The following GPHN variants were observed in gnomAD, a reference collection of about 807,000 sequenced individuals.
GPHN encodes the protein gephyrin.
A neutral mutation model predicts 95.5 loss-of-function variants in GPHN; 17 were observed. The observed-to-expected ratio is 0.18, with a 90% confidence interval of 0.12 to 0.27. The LOEUF (loss-of-function observed/expected upper bound fraction) is 0.27, where lower values mean the gene tolerates loss of function less well. Among genes scored for constraint, GPHN ranks in the 10% least tolerant of loss-of-function variants. GPHN has a pLI of 1.00. For synonymous variants in GPHN, 320 were observed against 322.5 expected (o/e 0.99, Z 0.08); for missense variants, 660 against 978.1 (o/e 0.67, Z 4.34).
chr14:66,899,528 A>G (rs2065028486), intron 5 of GPHN, among the ~76,000 whole-genome samples: 1 of 151,812 alleles, frequency 6.6e-6, no homozygotes. Context: ...TGATTGCATG[A>G]TCTACTTTTT....
chr14:66,578,460 G>A (rs2060996174), intron 1 of GPHN, among the ~76,000 whole-genome samples: 1 of 151,516 alleles, frequency 6.6e-6, no homozygotes, highest in Non-Finnish European at 1.5e-5. Context: ...TCCACACATA[G>A]GAAGCTCAAA....
the GPHN span, chr14:67,693,038 C>A: frequency 6.2e-7 from 1 of 1,612,808 alleles, no homozygotes; most frequent in East Asian, 2.2e-5. Flanking sequence ...ACACACCCCA[C>A]TGGACAGCAT....
At chr14:67,333,476 T>C in the GPHN span, 8 of 152,560 alleles carry the variant, frequency 5.2e-5, no homozygotes, top group African/African-American at 1.9e-4. Context: ...AAAGGAAAAA[T>C]AAAAAACAAA....
chr14:67,404,578 G>A, the GPHN span, among the ~76,000 whole-genome samples: 3 of 152,020 alleles, frequency 2.0e-5, no homozygotes, highest in South Asian at 6.2e-4. Flanking sequence ...GGGATGCTAA[G>A]ATGGGAGGAT....
At chr14:67,707,643 G>A in the GPHN span, among the ~76,000 whole-genome samples, 1 of 152,096 alleles carries the variant, frequency 6.6e-6, no homozygotes, top group Admixed American at 6.5e-5. Flanking sequence ...TGGCCAGGCT[G>A]GTAAGAATAA....
the GPHN span, among the ~76,000 whole-genome samples, chr14:67,637,065 G>A: frequency 1.3e-5 from 2 of 152,072 alleles, no homozygotes; most frequent in Admixed American, 6.6e-5. Flanking sequence ...TAGTGAGACC[G>A]TTTCTTATGA....
chr14:66,659,268 T>C (rs1327881985), intron 1 of GPHN, among the ~76,000 whole-genome samples: 3 of 152,076 alleles, frequency 2.0e-5, no homozygotes, highest in East Asian at 3.8e-4. Flanking sequence ...GTGCCTTGTC[T>C]GGTATGTTTC....
At chr14:66,531,856 A>C (rs1328038343) in intron 1 of GPHN, among the ~76,000 whole-genome samples, 2 of 152,306 alleles carry the variant, frequency 1.3e-5, no homozygotes, top group African/African-American at 4.8e-5. Flanking sequence ...GGTTTTCAAA[A>C]CTTTTTTAGT....
intron 1 of GPHN, among the ~76,000 whole-genome samples, chr14:66,598,232 T>C (rs1235581880): frequency 6.6e-6 from 1 of 152,150 alleles, no homozygotes; most frequent in Non-Finnish European, 1.5e-5. Context: ...TTAATAACAA[T>C]ATGTTGTATA....
At chr14:66,667,209 G>A (rs1163995801) in intron 1 of GPHN, among the ~76,000 whole-genome samples, 13 of 152,140 alleles carry the variant, frequency 8.5e-5, no homozygotes, top group Admixed American at 6.6e-4. Context: ...TGGCCAAAAT[G>A]CCCAAAGCAA....
chr14:67,645,499 G>A, the GPHN span: 1 of 832,226 alleles, frequency 1.2e-6, no homozygotes, highest in Non-Finnish European at 1.8e-6. Flanking sequence ...TACAACTACA[G>A]GTCTTGCCTC....
rs1330926651 is a variant in GPHN at position 66,852,559 on chromosome 14, GCT to G, written c.295-27373_295-27372del. Among the ~76,000 whole-genome samples, 20 of 152,306 alleles carry G rather than the reference GCT, an allele frequency of 1.3e-4. No individual in the cohort carries two copies. The South Asian group carries it at 3.9e-3, about 30-fold the overall frequency. ...GTTATTATTTCTGGGTGGGGAAATT[GCT>G]CTCTCTTTTTATTTTGTTTGTGCAT... On this transcript the variant is annotated intron_variant, in intron 4 of 22. Transcript: ENST00000478722.
chr14:66,675,560 CTA>C (rs1326017181), intron 1 of GPHN, among the ~76,000 whole-genome samples: 1 of 152,104 alleles, frequency 6.6e-6, no homozygotes, highest in African/African-American at 2.4e-5. Context: ...ATTCAACAGA[CTA>C]TATTTCTTTA....
chr14:67,511,433 G>A, the GPHN span, among the ~76,000 whole-genome samples: 1 of 152,160 alleles, frequency 6.6e-6, no homozygotes, highest in African/African-American at 2.4e-5. Context: ...AGACCTGTCC[G>A]TGTAGATGGT....
intron 3 of GPHN, among the ~76,000 whole-genome samples, chr14:66,812,382 A>G (rs1259559628): frequency 6.6e-6 from 1 of 152,248 alleles, no homozygotes; most frequent in Non-Finnish European, 1.5e-5. Context: ...TCCAGCATAT[A>G]GTCTGAAATT....
chr14:67,678,561 A>T, the GPHN span: 1 of 586,086 alleles, frequency 1.7e-6, no homozygotes, highest in Non-Finnish European at 3.0e-6. Flanking sequence ...GTTTGTCCTT[A>T]TCTCTTCATT....
chr14:66,998,888 A>ATATATAT (rs543986222), intron 9 of GPHN, among the ~76,000 whole-genome samples: 15 of 142,920 alleles, frequency 1.0e-4, no homozygotes, highest in African/African-American at 2.4e-4. Context: ...AAAAAAAAAA[A>ATATATAT]ATATATATAT....
chr14:67,443,028 TG>T, the GPHN span, among the ~76,000 whole-genome samples: 23 of 152,174 alleles, frequency 1.5e-4, no homozygotes, highest in Non-Finnish European at 2.6e-4. Context: ...AAGACCAGTC[TG>T]GGCAACAATG....
chr14:67,650,086 T>C, the GPHN span: 49 of 152,476 alleles, frequency 3.2e-4, no homozygotes, highest in African/African-American at 1.1e-3. Flanking sequence ...GAATTTTCTC[T>C]TGATCAAGTA....
Sources: allele counts gnomAD v4.1 joint callset (sites outside exome capture counted in the v4.1 genomes callset), GRCh38; gene constraint gnomAD v4.1.1; transcripts MANE v1.5; gene names NCBI Gene and HGNC (gene_info 2026-07-23, HGNC 2026-07-21).